The following NSD2 variants were observed in gnomAD, a reference collection of about 807,000 sequenced individuals.
NSD2 encodes nuclear receptor binding SET domain protein 2, also known as histone-lysine N-methyltransferase NSD2.
Under a neutral mutation model 139.0 loss-of-function variants are expected in NSD2, and 12 were observed. That is an observed-to-expected ratio of 0.09 (90% CI 0.06 to 0.14). NSD2 has a LOEUF of 0.14. Among genes scored for constraint, NSD2 ranks in the 10% least tolerant of loss-of-function variants. NSD2 has a pLI of 1.00. For synonymous variants in NSD2, 669 were observed against 648.7 expected (o/e 1.03, Z -0.48); for missense variants, 1,155 against 1,745.0 (o/e 0.66, Z 6.02).
At position 1,972,748 on chromosome 4, in the gene NSD2, A is replaced by G. The variant is rs1726628219; in HGVS notation, c.3373-2115A>G. ...TCAGCAAACCGAAAACGCATGAAGC[A>G]AAAGGGTAAAATAGTTGCATAAGGC... On this transcript the variant is annotated intron_variant, in intron 18 of 21. Transcript: ENST00000508803. The surrounding 1 kb of genome is among the most constrained non-coding windows in gnomAD (Gnocchi z 4.0). Among the ~76,000 whole-genome samples the G allele has an allele frequency of 6.6e-6, 1 of 152,286 alleles. No homozygotes were observed. The highest frequency in any genetic ancestry group is 1.5e-5 in the Non-Finnish European group (1 of 68,052).
At chr4:1,961,662 T>G (rs1050946236) in intron 18 of NSD2, among the ~76,000 whole-genome samples, 1 of 152,116 alleles carries the variant, frequency 6.6e-6, no homozygotes, top group African/African-American at 2.4e-5. Flanking sequence ...ATAGGAAGAT[T>G]TGTGTAAAAG....
chr4:1,888,629 A>G (rs1479976444), intron 1 of NSD2, among the ~76,000 whole-genome samples: 1 of 151,514 alleles, frequency 6.6e-6, no homozygotes, highest in Admixed American at 6.6e-5. Flanking sequence ...TGCAGTGGCA[A>G]TCTCGGCTTA....
At chr4:1,916,201 G>A (rs755586466) in intron 3 of NSD2, among the ~76,000 whole-genome samples, 5 of 152,162 alleles carry the variant, frequency 3.3e-5, no homozygotes, top group Admixed American at 6.5e-5. Flanking sequence ...AACCCAGGTT[G>A]TGTGATGTCC....
intron 9 of NSD2, 56 bp downstream of exon 9, chr4:1,939,834 C>A: frequency 1.2e-6 from 2 of 1,612,486 alleles, no homozygotes; most frequent in Non-Finnish European, 1.7e-6. Context: ...CATTTAGCTG[C>A]CCACGCTGCA....
At chr4:1,944,640 A>G (rs1723432986) in intron 9 of NSD2, 2 of 1,063,068 alleles carry the variant, frequency 1.9e-6, no homozygotes, top group Non-Finnish European at 2.3e-6. Flanking sequence ...TAAGTACTCC[A>G]TTGTAATAGG....
At chr4:1,874,924 C>G (rs1288899272) in intron 1 of NSD2, among the ~76,000 whole-genome samples, 1 of 152,040 alleles carries the variant, frequency 6.6e-6, no homozygotes, top group African/African-American at 2.4e-5. Flanking sequence ...TGTTGGTAAC[C>G]CAGGGACTCT....
chr4:1,977,846 C>T (rs1212292694), intron 21 of NSD2, among the ~76,000 whole-genome samples: 1 of 149,606 alleles, frequency 6.7e-6, no homozygotes, highest in Non-Finnish European at 1.5e-5. Flanking sequence ...AAAATCCAGG[C>T]CAGGCACGGT....
intron 5 of NSD2, 54 bp from the exon 6 acceptor site, chr4:1,930,572 C>T (rs1314146738): frequency 9.5e-5 from 145 of 1,520,030 alleles, no homozygotes; most frequent in Non-Finnish European, 1.2e-4. Flanking sequence ...CAAAACAAAA[C>T]CCAATGAGTT....
intron 1 of NSD2, among the ~76,000 whole-genome samples, chr4:1,887,178 G>T (rs931552658): frequency 1.3e-5 from 2 of 152,132 alleles, no homozygotes; most frequent in Non-Finnish European, 2.9e-5. Flanking sequence ...TTTTGGCCAT[G>T]GGCTTCATTC....
chr4:1,932,887 T>C (rs1399743302), intron 6 of NSD2, among the ~76,000 whole-genome samples: 1 of 152,252 alleles, frequency 6.6e-6, no homozygotes, highest in Non-Finnish European at 1.5e-5. Flanking sequence ...GGACCTCGCC[T>C]GTGGGAAAGC....
Position 1,981,986 on chromosome 4 carries a change from TA to T in NSD2, c.*3079del. The stretch of plus-strand genomic sequence containing the variant: ...ATTGGTGTCTAAACTTCATACAATG[TA>T]AGGTCAGATTCCTTTTAGGAATACT... On this transcript the variant is annotated 3_prime_UTR_variant, in exon 22 of 22. Transcript: ENST00000508803. 2.5e-6 allele frequency: 1 copy of T among 398,506 alleles called. No homozygotes were observed. The highest frequency in any genetic ancestry group is 4.4e-6 in the Non-Finnish European group (1 of 226,040). The allele number at this position is 398,506 out of a possible 1,614,324, so 24.7% of individuals were successfully genotyped here. A position where few individuals can be genotyped will look rare whatever the true frequency, so the allele number is the denominator to read the frequency against.
At chr4:1,917,161 A>G in intron 4 of NSD2, 124 bp downstream of exon 4, 2 of 1,047,684 alleles carry the variant, frequency 1.9e-6, no homozygotes, top group Non-Finnish European at 2.7e-6. Context: ...AATCTCTTTC[A>G]TTGTTGACTT....
At position 1,904,231 on chromosome 4, in the gene NSD2, G is replaced by C. The variant is rs1398870006; in HGVS notation, c.613G>C (p.Glu205Gln). ...PSDKKIPAKKESCPNTGRDKD... is the reference protein window; with the variant it reads ...PSDKKIPAKKQSCPNTGRDKD... ...TCATTTTCAGATTCCAGCTAAGAAA[G>C]AGTCTTGTCCAAACACTGGAAGAGA... Residue 205 changes from glutamate to glutamine, a missense_variant, in exon 3 of 22, where the codon GAG (glutamate) becomes CAG (glutamine). Glu to Gln is a conservative substitution (Grantham distance 29, BLOSUM62 2). Coordinates refer to ENST00000508803, the MANE Select transcript of NSD2 (RefSeq NM_001042424.3). The C allele has an allele frequency of 1.2e-6, 2 of 1,613,102 alleles. No individual in the cohort carries two copies. Among genetic ancestry groups the C allele is most frequent in the Non-Finnish European group, 1.7e-6 (2 of 1,179,486 alleles).
At chr4:1,875,575 T>A (rs560055571) in intron 1 of NSD2, among the ~76,000 whole-genome samples, 1 of 152,266 alleles carries the variant, frequency 6.6e-6, no homozygotes, top group South Asian at 2.1e-4. Context: ...AAGAATTGAT[T>A]GATTTGATTA....
At chr4:1,909,929 G>A (rs1200440155) in intron 3 of NSD2, among the ~76,000 whole-genome samples, 2 of 151,108 alleles carry the variant, frequency 1.3e-5, no homozygotes, top group Non-Finnish European at 2.9e-5. Context: ...GTGAGTCACC[G>A]CGCCCGGCAC....
At chr4:1,947,026 G>T (rs1723707603) in intron 9 of NSD2, 1 of 1,064,028 alleles carries the variant, frequency 9.4e-7, no homozygotes, top group South Asian at 4.6e-5. Context: ...GTAGGGGTGG[G>T]GGTCCTGGTC....
chr4:1,978,837 C>T lies in NSD2; in HGVS notation c.4026C>T (p.Pro1342=), dbSNP rs147624398. Residue 1342 remains proline (P), a synonymous_variant, in exon 22 of 22, where the codon CCC becomes CCT. Coordinates refer to ENST00000508803, the MANE Select transcript of NSD2 (RefSeq NM_001042424.3). Reference sequence around the variant, plus strand: ...GAAGCACCAAGACTGAGAAGCCCCCCCCAGAGCCAGGGAAGCCGAAGGGGA... The same window carrying T: ...GAAGCACCAAGACTGAGAAGCCCCCTCCAGAGCCAGGGAAGCCGAAGGGGA... The part of the protein sequence containing the change: ...SVRSTKTEKP[P]PEPGKPKGKR... 2.2e-5 allele frequency: 35 copies of T among 1,603,550 alleles called. No homozygotes were observed. The South Asian group carries it at 3.0e-4, about 14-fold the overall frequency.
chr4:1,904,439 C>G, intron 3 of NSD2, 61 bp downstream of exon 3: 6 of 1,521,056 alleles, frequency 3.9e-6, no homozygotes, highest in Non-Finnish European at 5.3e-6. Context: ...TTTCTCATCT[C>G]CAGGCTTCTT....
In NSD2 at chr4:1,954,969, G is replaced by A. The variant is rs1249959978; in HGVS notation, c.2339-192G>A. Reference sequence around the variant, plus strand: ...CCAGGCTGAGACACGCGGCATTTTAGATGTATGACCATTTTCTCAAACATG... The same window carrying A: ...CCAGGCTGAGACACGCGGCATTTTAAATGTATGACCATTTTCTCAAACATG... On this transcript the variant is annotated intron_variant, in intron 12 of 21. Transcript: ENST00000508803. Among the ~76,000 whole-genome samples, 3 of 152,238 alleles carry A rather than the reference G, an allele frequency of 2.0e-5. No individual in the cohort carries two copies. The East Asian group carries it at 5.8e-4, about 29-fold the overall frequency.
Sources: gnomAD v4.1 joint callset for allele counts (sites outside exome capture counted in the v4.1 genomes callset) on GRCh38, gnomAD v4.1.1 for gene constraint, Gnocchi (gnomAD v3.1) non-coding constraint, MANE v1.5 for transcripts, NCBI Gene and HGNC (gene_info 2026-07-23, HGNC 2026-07-21) for gene names.